The following SFRP1 variants were observed in gnomAD, a reference collection of about 807,000 sequenced individuals.
The protein encoded by SFRP1 is secreted frizzled related protein 1.
Under a neutral mutation model 25.9 loss-of-function variants are expected in SFRP1, and 9 were observed. The ratio of observed to expected loss-of-function variants is 0.35; its 90% CI spans 0.21 to 0.61. SFRP1 has a LOEUF of 0.61. Among genes scored for constraint, SFRP1 ranks in the 20% least tolerant of loss-of-function variants. SFRP1 has a pLI of 0.78. For synonymous variants in SFRP1, 178 were observed against 174.0 expected, an observed-to-expected ratio of 1.02 and a Z score of -0.18; for missense variants, 346 against 418.2, an observed-to-expected ratio of 0.83 and a Z score of 1.51.
chr8:41,296,831 G>T (rs1803849662), intron 2 of SFRP1, among the ~76,000 whole-genome samples: 1 of 152,172 alleles, frequency 6.6e-6, no homozygotes, highest in Non-Finnish European at 1.5e-5. Context: ...AACTTCAGTG[G>T]TCCTATCCTG....
intron 2 of SFRP1, among the ~76,000 whole-genome samples, chr8:41,296,974 G>A (rs556111457): frequency 2.0e-5 from 3 of 152,256 alleles, no homozygotes; most frequent in African/African-American, 4.8e-5. Flanking sequence ...TTGGCTTTCC[G>A]AGGGGGAGTT....
At position 41,265,253 on chromosome 8, in the gene SFRP1, A is replaced by C; in HGVS notation, c.859T>G (p.Trp287Gly). Residue 287 changes from tryptophan (W) to glycine (G), a missense_variant, in exon 3 of 3, where the codon TGG (tryptophan) becomes GGG (glycine). Transcript: ENST00000220772. ...SQYLLTAIHK[W>G]DKKNKEFKNF... ...TTGAACTCCTTGTTTTTCTTGTCCC[A>C]CTTGTGGATGGCCGTCAGCAAGTAC... 1 of 1,613,734 alleles carries C rather than the reference A, an allele frequency of 6.2e-7. No individual in the cohort carries two copies. Among genetic ancestry groups the C allele is most frequent in the Non-Finnish European group, 8.5e-7 (1 of 1,179,978 alleles).
intron 2 of SFRP1, among the ~76,000 whole-genome samples, chr8:41,302,643 G>A (rs1381290000): frequency 2.0e-5 from 3 of 152,156 alleles, no homozygotes; most frequent in Non-Finnish European, 4.4e-5. Context: ...CGAGAGAGAG[G>A]GAGCTGGCCC....
Position 41,303,531 on chromosome 8 carries a change from C to G in SFRP1, c.552G>C (p.Thr184=), listed in dbSNP as rs978013726. The G allele has an allele frequency of 1.9e-6, 3 of 1,613,378 alleles. No homozygotes were observed. The highest frequency in any genetic ancestry group is 2.7e-5 in the African/African-American group (2 of 74,862). ...ATEASKPQGT[T]VCPPCDNELK... The stretch of plus-strand genomic sequence containing the variant: ...ACTCGTTGTCACAGGGAGGACACAC[C>G]GTTGTGCCTGGGAAAGGAAGTAGGG... Residue 184 remains threonine, a synonymous_variant, in exon 2 of 3, where the codon ACG becomes ACC. Coordinates refer to ENST00000220772, the MANE Select transcript of SFRP1 (RefSeq NM_003012.5).
chr8:41,276,768 C>T (rs1261430441), intron 2 of SFRP1, among the ~76,000 whole-genome samples: 1 of 152,202 alleles, frequency 6.6e-6, no homozygotes, highest in Non-Finnish European at 1.5e-5. Context: ...TCCTGAGTGG[C>T]TCATTTGGGA....
At chr8:41,282,688 A>AT (rs1352464646) in intron 2 of SFRP1, among the ~76,000 whole-genome samples, 8 of 152,202 alleles carry the variant, frequency 5.3e-5, no homozygotes, top group African/African-American at 1.9e-4. Flanking sequence ...TTATTTGGAC[A>AT]TTTTTTATTT....
At position 41,308,878 on chromosome 8, in the gene SFRP1, G is replaced by A; in HGVS notation, c.282C>T (p.Ala94=). ...HETMAEVKQQ[A]SSWVPLLNKN... is the part of the protein sequence containing the mutation. ...TGTTGAGCAGGGGCACCCAGCTGCT[G>A]GCCTGCTGCTTCACCTCCGCCATGG... The change falls in exon 1 of 3, where the codon GCC becomes GCT. Residue 94 remains alanine (A), a synonymous_variant. Transcript: ENST00000220772. 1.2e-6 allele frequency: 2 copies of A among 1,611,078 alleles called. No individual in the cohort carries two copies. Among genetic ancestry groups the A allele is most frequent in the African/African-American group, 1.3e-5 (1 of 75,054 alleles).
chr8:41,291,697 T>C (rs1053375669), intron 2 of SFRP1, among the ~76,000 whole-genome samples: 1 of 152,048 alleles, frequency 6.6e-6, no homozygotes, highest in Non-Finnish European at 1.5e-5. Flanking sequence ...CCCATGACCA[T>C]TTTCTGGACA....
chr8:41,300,060 T>C (rs1162454115), intron 2 of SFRP1, among the ~76,000 whole-genome samples: 2 of 152,206 alleles, frequency 1.3e-5, no homozygotes, highest in Admixed American at 1.3e-4. Flanking sequence ...AGGCTGAGCC[T>C]ACTTTCTGCA....
rs7000589 is a variant in SFRP1 at position 41,279,865 on chromosome 8, G to T, written c.623-14376C>A. 5.3e-3 allele frequency among the ~76,000 whole-genome samples: 798 copies of T among 151,974 alleles called. 5 individuals are homozygous for T. The highest frequency in any genetic ancestry group is 0.018 in the African/African-American group (738 of 41,396). On this transcript the variant is annotated intron_variant, in intron 2 of 2. Coordinates refer to ENST00000220772, the MANE Select transcript of SFRP1 (RefSeq NM_003012.5). ...CAAAAATAGAGGCCTCATCTCTCTG[G>T]ACCTGATAGTGTCAACAAGCACAGT...
chr8:41,276,533 G>T (rs1803574174), intron 2 of SFRP1, among the ~76,000 whole-genome samples: 1 of 152,162 alleles, frequency 6.6e-6, no homozygotes, highest in African/African-American at 2.4e-5. Context: ...AGAGAAAGGG[G>T]CTTGTGCTTT....
intron 2 of SFRP1, among the ~76,000 whole-genome samples, chr8:41,267,439 T>C (rs1176443202): frequency 6.6e-6 from 1 of 152,218 alleles, no homozygotes; most frequent in Admixed American, 6.5e-5. Context: ...CCAAAGGAGT[T>C]GGAAATCACT....
At position 41,264,925 on chromosome 8, in the gene SFRP1, C is replaced by G. The variant is rs73621091; in HGVS notation, c.*242G>C. 2.1e-6 allele frequency: 1 copy of G among 474,888 alleles called. No homozygotes were observed. The highest frequency in any genetic ancestry group is 3.8e-5 in the South Asian group (1 of 26,380). The allele number at this position is 474,888 out of a possible 1,614,324, so 29.4% of individuals were successfully genotyped here. The stretch of plus-strand genomic sequence containing the variant: ...GTGCAGTGGCTGCTGCTCCACATTG[C>G]GGATCTTAAAAACCTTCCTAATCTA... On this transcript the variant is annotated 3_prime_UTR_variant, in exon 3 of 3. Transcript: ENST00000220772.
At position 41,265,136 on chromosome 8, in the gene SFRP1, AGGCT is replaced by A; in HGVS notation, c.*27_*30del. On this transcript the variant is annotated 3_prime_UTR_variant, in exon 3 of 3. Transcript: ENST00000220772. ...GTCCCCCCCGCTCCCACCCCACCCG[AGGCT>A]CCCTCCCCACCCTGCCCCCGGGAGA... 2 of 143,610 alleles carry A rather than the reference AGGCT, an allele frequency of 1.4e-5. No homozygotes were observed. Among genetic ancestry groups the A allele is most frequent in the East Asian group, 1.9e-4 (1 of 5,328 alleles). The allele number at this position is 143,610 out of a possible 1,614,324, so 8.9% of individuals were successfully genotyped here.
Position 41,265,138 on chromosome 8 carries a change from G to GCCCCCCCCCCC in SFRP1, c.*28_*29insGGGGGGGGGGG. 2.0e-6 allele frequency: 1 copy of GCCCCCCCCCCC among 508,950 alleles called. No homozygotes were observed. Among genetic ancestry groups the GCCCCCCCCCCC allele is most frequent in the Admixed American group, 3.1e-5 (1 of 32,570 alleles). The allele number at this position is 508,950 out of a possible 1,614,324, so 31.5% of individuals were successfully genotyped here. On this transcript the variant is annotated 3_prime_UTR_variant, in exon 3 of 3. Transcript: ENST00000220772. The stretch of plus-strand genomic sequence containing the variant: ...CCCCCCCGCTCCCACCCCACCCGAG[G>GCCCCCCCCCCC]CTCCCTCCCCACCCTGCCCCCGGGA...
intron 2 of SFRP1, among the ~76,000 whole-genome samples, chr8:41,301,505 G>A (rs1803916401): frequency 6.6e-6 from 1 of 152,112 alleles, no homozygotes; most frequent in African/African-American, 2.4e-5. Context: ...AAAACAAAAA[G>A]GTTTCTCCTG....
At chr8:41,268,109 G>A (rs999485348) in intron 2 of SFRP1, among the ~76,000 whole-genome samples, 1 of 152,362 alleles carries the variant, frequency 6.6e-6, no homozygotes, top group East Asian at 1.9e-4. Flanking sequence ...GCGCCCTCTT[G>A]TCTGCAGAGA....
chr8:41,309,357 C>A lies in SFRP1; in HGVS notation c.-198G>T. ...GGCCTGCGGTCGGAGGCGGCGCGGG[C>A]GGGGAGGCGGCGCTGCGGGCTGGGT... is the stretch of plus-strand genomic sequence containing the variant. On this transcript the variant is annotated 5_prime_UTR_variant, in exon 1 of 3. Coordinates refer to ENST00000220772, the MANE Select transcript of SFRP1 (RefSeq NM_003012.5). 7.7e-6 allele frequency: 3 copies of A among 387,564 alleles called. No homozygotes were observed. Among genetic ancestry groups the A allele is most frequent in the Middle Eastern group, 2.1e-3 (2 of 972 alleles). 24.0% of individuals were successfully genotyped at this position (387,564 alleles called of 1,614,324 possible). A position where few individuals can be genotyped will look rare whatever the true frequency, so the allele number is the denominator to read the frequency against.
chr8:41,288,530 C>CAAAAAAAA (rs397893046), intron 2 of SFRP1, among the ~76,000 whole-genome samples: 6 of 39,110 alleles, frequency 1.5e-4, no homozygotes, highest in East Asian at 1.3e-3. Flanking sequence ...AGACCCTGTC[C>CAAAAAAAA]AAAAAAAAAA....
Sources: allele counts gnomAD v4.1 joint callset (sites outside exome capture counted in the v4.1 genomes callset), GRCh38; gene constraint gnomAD v4.1.1; transcripts MANE v1.5; gene names NCBI Gene and HGNC (gene_info 2026-07-23, HGNC 2026-07-21).